Variants in UGT1A7 observed in about 807,000 individuals in gnomAD.
The protein encoded by UGT1A7 is UDP-glucuronosyltransferase 1A7.
Under a neutral mutation model 45.6 loss-of-function variants are expected in UGT1A7, and 33 were observed. The observed-to-expected ratio is 0.72, with a 90% CI of 0.55 to 0.97. UGT1A7 has a LOEUF of 0.97. Ranked by LOEUF, UGT1A7 falls within the 50% of genes least tolerant of loss-of-function variation. The probability of loss-of-function intolerance (pLI) is 0.00; values close to 1 mark genes in which losing one functional copy is unlikely to be tolerated. For missense variants in UGT1A7, 684 were observed against 666.2 expected, an observed-to-expected ratio of 1.03 and a Z score of -0.29; for synonymous variants, 274 against 250.6, an observed-to-expected ratio of 1.09 and a Z score of -0.88.
intron 1 of UGT1A7, chr2:233,760,404 C>T (rs1211296854): frequency 1.2e-6 from 2 of 1,614,220 alleles, no homozygotes; most frequent in Non-Finnish European, 8.5e-7. Flanking sequence ...ATGGCAGCCA[C>T]TGGCTGAGCA....
rs28900406 is a variant in UGT1A7, at chr2:233,772,385, C to T, written c.1419C>T (p.Pro473=). Residue 473 remains proline (P), a synonymous_variant, in exon 5 of 5, where the codon CCC becomes CCT. Transcript: ENST00000373426. ...MRHKGAPHLR[P]AAHDLTWYQY... ...ACAAGGGCGCGCCACACCTGCGCCC[C>T]GCAGCCCACGACCTCACCTGGTACC... The T allele has an allele frequency of 7.5e-4, 1,213 of 1,614,246 alleles. 13 individuals are homozygous for T. The African/African-American group carries it at 0.014, about 19-fold the overall frequency.
intron 1 of UGT1A7, chr2:233,729,501 T>C (rs142329877): frequency 1.3e-5 from 21 of 1,614,102 alleles, no homozygotes; most frequent in Non-Finnish European, 1.7e-5. Flanking sequence ...TGGTCTATCA[T>C]AGGTCTTGTG....
intron 1 of UGT1A7, chr2:233,713,304 C>T (rs200200998): frequency 6.2e-7 from 1 of 1,614,230 alleles, no homozygotes; most frequent in Non-Finnish European, 8.5e-7. Context: ...TGAAACAGAA[C>T]ATCTTCTGAT....
rs1374250230 is a variant in UGT1A7, at chr2:233,725,069, C to T, written c.856-41965C>T. 4.1e-5 allele frequency among the ~76,000 whole-genome samples: 6 copies of T among 146,562 alleles called. 2 individuals carry two copies. Among genetic ancestry groups the T allele is most frequent in the Admixed American group, 2.7e-4 (4 of 14,618 alleles). ...AGGCGTGGCGGCGCGCGCCTGCAAT[C>T]GCAGGCACTCGGCAGGCTGAGGCAG... On this transcript the variant is annotated intron_variant, in intron 1 of 4. Transcript: ENST00000373426.
At position 233,772,407 on chromosome 2, in the gene UGT1A7, T is replaced by C. The variant is rs770903084; in HGVS notation, c.1441T>C (p.Tyr481His). The C allele has an allele frequency of 7.5e-5, 121 of 1,614,104 alleles. No individual in the cohort carries two copies. Among genetic ancestry groups the C allele is most frequent in the Non-Finnish European group, 9.9e-5 (117 of 1,180,046 alleles). ...CCCCGCAGCCCACGACCTCACCTGG[T>C]ACCAGTACCATTCCTTGGACGTGAT... The part of the protein sequence containing the change: ...LRPAAHDLTW[Y>H]QYHSLDVIGF... Residue 481 changes from tyrosine to histidine, a missense_variant, in exon 5 of 5, where the codon TAC becomes CAC. Transcript: ENST00000373426.
At position 233,755,093 on chromosome 2, in the gene UGT1A7, C is replaced by T. The variant is rs566230339; in HGVS notation, c.856-11941C>T. 8.2e-6 allele frequency: 11 copies of T among 1,335,068 alleles called. No individual in the cohort carries two copies. The East Asian group carries it at 3.7e-4, about 44-fold the overall frequency. The allele number at this position is 1,335,068 out of a possible 1,614,324, so 82.7% of individuals were successfully genotyped here. A position where few individuals can be genotyped will look rare whatever the true frequency, so the allele number is the denominator to read the frequency against. ...AGCGGTCATAGATATCGCGTTTCTA[C>T]GCGTCCGACAACACCTCGTAGGCCT... On this transcript the variant is annotated intron_variant, in intron 1 of 4. Transcript: ENST00000373426.
chr2:233,761,011 G>T, intron 1 of UGT1A7: 1 of 1,614,156 alleles, frequency 6.2e-7, no homozygotes, highest in Non-Finnish European at 8.5e-7. Context: ...TCAGAGAGAG[G>T]TGACTGTCCA....
rs762762821 is a variant in UGT1A7 at position 233,682,739 on chromosome 2, A to T, written c.802A>T (p.Asn268Tyr). ...VLEYPKPVMP[N>Y]MIFIGGINCH... ...GGAGTATCCCAAACCCGTGATGCCCAATATGATCTTCATTGGTGGTATCAA... is the reference window on the plus strand; with the variant it reads ...GGAGTATCCCAAACCCGTGATGCCCTATATGATCTTCATTGGTGGTATCAA... Residue 268 changes from asparagine (N) to tyrosine (Y), a missense_variant, in exon 1 of 5, where the codon AAT (asparagine) becomes TAT (tyrosine). Physicochemically the swap from Asn to Tyr is moderately radical, Grantham distance 143 (BLOSUM62 -2). Transcript: ENST00000373426. 6.2e-7 allele frequency: 1 copy of T among 1,613,808 alleles called. No individual in the cohort carries two copies. Among genetic ancestry groups the T allele is most frequent in the African/African-American group, 1.3e-5 (1 of 74,924 alleles).
rs770662663 is a variant in UGT1A7, at chr2:233,769,604, A to G, written c.1295+1165A>G. 1.9e-6 allele frequency: 3 copies of G among 1,612,850 alleles called. No homozygotes were observed. In the South Asian group the frequency reaches 3.3e-5, roughly 18 times the overall value. On this transcript the variant is annotated intron_variant, in intron 4 of 4. Transcript: ENST00000373426. The surrounding 1 kb of genome is among the most constrained non-coding windows in gnomAD (Gnocchi z 4.4). ...AGATGAGAGGAGACGGAACACGGGG[A>G]CACACCAGCTTGAGCAAGGGACAAC...
At chr2:233,761,150 A>G (rs1384998466) in intron 1 of UGT1A7, 2 of 1,614,204 alleles carry the variant, frequency 1.2e-6, no homozygotes, top group Non-Finnish European at 1.7e-6. Flanking sequence ...CCACTATCCC[A>G]GGTGTGTATT....
chr2:233,765,466 T>C (rs1160830121), intron 1 of UGT1A7, among the ~76,000 whole-genome samples: 1 of 152,142 alleles, frequency 6.6e-6, no homozygotes, highest in Non-Finnish European at 1.5e-5. Context: ...AGGACATGGA[T>C]GAAGCTGGAA....
At chr2:233,757,414 C>T (rs1409954571) in intron 1 of UGT1A7, among the ~76,000 whole-genome samples, 3 of 151,192 alleles carry the variant, frequency 2.0e-5, no homozygotes, top group East Asian at 2.0e-4. Context: ...GGGTCTAGAA[C>T]GAAAAGAGAA....
intron 1 of UGT1A7, among the ~76,000 whole-genome samples, chr2:233,741,049 G>T (rs1450798291): frequency 1.3e-5 from 2 of 151,748 alleles, no homozygotes; most frequent in Non-Finnish European, 2.9e-5. Context: ...ATCTTGCCTA[G>T]GTAACAGCTA....
intron 1 of UGT1A7, chr2:233,752,620 G>A (rs1390592836): frequency 7.2e-5 from 11 of 152,184 alleles, no homozygotes; most frequent in Non-Finnish European, 2.9e-5. Flanking sequence ...TTAGCTAGGT[G>A]TGGTAGCTGT....
At chr2:233,707,112 T>C (rs542800224) in intron 1 of UGT1A7, among the ~76,000 whole-genome samples, 1 of 152,242 alleles carries the variant, frequency 6.6e-6, no homozygotes, top group South Asian at 2.1e-4. Context: ...ACCCCCAAAA[T>C]ACTCTGCATT....
chr2:233,744,390 C>A (rs894432341), intron 1 of UGT1A7, among the ~76,000 whole-genome samples: 4 of 151,862 alleles, frequency 2.6e-5, no homozygotes, highest in Non-Finnish European at 5.9e-5. Context: ...AACGTTCCAG[C>A]CCCGGTGCCC....
At chr2:233,691,991 T>C (rs573865002) in intron 1 of UGT1A7, 20 of 152,334 alleles carry the variant, frequency 1.3e-4, no homozygotes, top group Admixed American at 1.2e-3. Flanking sequence ...TAAGTTTATG[T>C]AAAGGAGATG....
rs200903749 is a variant in UGT1A7, at chr2:233,767,133, A to G, written c.955A>G (p.Ile319Val). ...SEIPEKKAMAIADALGKIPQT... is the reference protein window; with the variant it reads ...SEIPEKKAMAVADALGKIPQT... ...AATTCCAGAGAAGAAAGCTATGGCA[A>G]TTGCTGATGCTTTGGGCAAAATCCC... The change falls in exon 2 of 5, where the codon ATT (isoleucine) becomes GTT (valine). Residue 319 changes from isoleucine (I) to valine (V), a missense_variant. Physicochemically the swap from Ile to Val is conservative, Grantham distance 29 (BLOSUM62 3). Coordinates refer to ENST00000373426, the MANE Select transcript of UGT1A7 (RefSeq NM_019077.3). 1,419 of 1,614,112 alleles carry G rather than the reference A, an allele frequency of 8.8e-4. 26 individuals are homozygous for G. In the South Asian group the frequency reaches 0.015, roughly 17 times the overall value.
In UGT1A7 at chr2:233,754,967, C is replaced by T. The variant is rs562774815; in HGVS notation, c.856-12067C>T. ...ATGGGTCCCGGCCGCCAAAGAACTC[C>T]CTGAAGACCTCGGCGGGGTCACGGA... On this transcript the variant is annotated intron_variant, in intron 1 of 4. Coordinates refer to ENST00000373426, the MANE Select transcript of UGT1A7 (RefSeq NM_019077.3). 6 of 1,302,806 alleles carry T rather than the reference C, an allele frequency of 4.6e-6. No homozygotes were observed. In the African/African-American group the frequency reaches 7.5e-5, roughly 16 times the overall value. 80.7% of individuals were successfully genotyped at this position (1,302,806 alleles called of 1,614,324 possible). A position where few individuals can be genotyped will look rare whatever the true frequency, so the allele number is the denominator to read the frequency against.
Sources: gnomAD v4.1 joint callset for allele counts (sites outside exome capture counted in the v4.1 genomes callset) on GRCh38, gnomAD v4.1.1 for gene constraint, Gnocchi (gnomAD v3.1) non-coding constraint, MANE v1.5 for transcripts, NCBI Gene and HGNC (gene_info 2026-07-23, HGNC 2026-07-21) for gene names.